CFAP57: variants seen among roughly 807,000 people sequenced by gnomAD.
CFAP57 encodes the protein cilia and flagella associated protein 57.
A neutral mutation model predicts 146.8 loss-of-function variants in CFAP57; 116 were observed. The ratio of observed to expected loss-of-function variants is 0.79; its 90% CI spans 0.68 to 0.92. The LOEUF is 0.92. Among genes scored for constraint, CFAP57 ranks in the 40% least tolerant of loss-of-function variants. The pLI is 0.00. For missense variants in CFAP57, 1,377 were observed against 1,527.2 expected (o/e 0.90, Z 1.64); for synonymous variants, 518 against 552.8 (o/e 0.94, Z 0.88).
Position 43,193,415 on chromosome 1 carries a change from T to C in CFAP57, c.1123-4138T>C, listed in dbSNP as rs796585490. Among the ~76,000 whole-genome samples the C allele has an allele frequency of 4.6e-5, 7 of 152,118 alleles. 1 individual carries two copies. The highest frequency in any genetic ancestry group is 1.7e-4 in the African/African-American group (7 of 41,472). On this transcript the variant is annotated intron_variant, in intron 6 of 22. Coordinates refer to ENST00000372492, the MANE Select transcript of CFAP57 (RefSeq NM_001378189.1). ...ATTTTTGTGTGTGTGTATCATGGGG[T>C]TTTTGTTCTTCTGTTCCTCTCTATG...
rs1274116189 is a variant in CFAP57, at chr1:43,201,738, C to T, written c.1542+2235C>T. On this transcript the variant is annotated intron_variant, in intron 9 of 22. Transcript: ENST00000372492. This position sits in a 1 kb window ranked among gnomAD's most constrained non-coding sequence, Gnocchi z 4.4. ...TCAAGCGATTCTCCTGCCTCAGCCT[C>T]CTGAGTAGCTGGGATTACAGGCATG... Among the ~76,000 whole-genome samples, 1 of 152,228 alleles carries T rather than the reference C, an allele frequency of 6.6e-6. No individual in the cohort carries two copies. Among genetic ancestry groups the T allele is most frequent in the Non-Finnish European group, 1.5e-5 (1 of 68,036 alleles).
At position 43,186,402 on chromosome 1, in the gene CFAP57, G is replaced by A. The variant is rs139085135; in HGVS notation, c.970-305G>A. On this transcript the variant is annotated intron_variant, in intron 5 of 22. Coordinates refer to ENST00000372492, the MANE Select transcript of CFAP57 (RefSeq NM_001378189.1). The stretch of plus-strand genomic sequence containing the variant: ...CGAGGCGGGCGGATCATGAGGTCAG[G>A]AGATCGAGACCATCCTGGCTAACGC... 5.4e-3 allele frequency among the ~76,000 whole-genome samples: 815 copies of A among 152,180 alleles called. 4 individuals are homozygous for A. The highest frequency in any genetic ancestry group is 0.019 in the African/African-American group (791 of 41,532).
rs916705224 is a variant in CFAP57 at position 43,181,820 on chromosome 1, A to T, written c.444A>T (p.Arg148Ser). Residue 148 changes from arginine (R) to serine (S), a missense_variant, in exon 3 of 23, where the codon AGA becomes AGT. Coordinates refer to ENST00000372492, the MANE Select transcript of CFAP57 (RefSeq NM_001378189.1). ...AACAGAAAGTAATGGCCATTGTTAG[A>T]ATCGACACTCAGAACAACCCTGTCT... ...WEKQKVMAIV[R>S]IDTQNNPVYQ... 1 of 1,614,110 alleles carries T rather than the reference A, an allele frequency of 6.2e-7. No individual in the cohort carries two copies. The highest frequency in any genetic ancestry group is 1.3e-5 in the African/African-American group (1 of 74,932).
rs538974374 is a variant in CFAP57 at position 43,220,789 on chromosome 1, C to G, written c.2248-583C>G. On this transcript the variant is annotated intron_variant, in intron 13 of 22. Coordinates refer to ENST00000372492, the MANE Select transcript of CFAP57 (RefSeq NM_001378189.1). The stretch of plus-strand genomic sequence containing the variant: ...ATTTGTTTCTTTAATGTCTATGGGT[C>G]ATAAAGTTCGGCTAAAAAAAAAAAA... Among the ~76,000 whole-genome samples, 11 of 108,782 alleles carry G rather than the reference C, an allele frequency of 1.0e-4. No individual in the cohort carries two copies. The South Asian group carries it at 4.1e-3, about 41-fold the overall frequency. The allele number at this position is 108,782 out of a possible 152,430, so 71.4% of individuals were successfully genotyped here.
chr1:43,172,570 GGGAA>G (rs1645008231), intron 1 of CFAP57, 117 bp downstream of exon 1: 2 of 725,504 alleles, frequency 2.8e-6, no homozygotes, highest in East Asian at 7.8e-5. Flanking sequence ...CCCGGGGGAG[GGGAA>G]AGGGGAGGGA....
At chr1:43,216,114 G>A (rs933444072) in intron 12 of CFAP57, among the ~76,000 whole-genome samples, 3 of 152,168 alleles carry the variant, frequency 2.0e-5, no homozygotes, top group East Asian at 1.9e-4. Flanking sequence ...ATGGAGGATC[G>A]CAAAGCTACA....
chr1:43,217,558 A>G (rs965156426), intron 12 of CFAP57, among the ~76,000 whole-genome samples: 3 of 152,076 alleles, frequency 2.0e-5, no homozygotes, highest in Non-Finnish European at 2.9e-5. Context: ...TCTACCTAGG[A>G]GACAGCCTTC....
chr1:43,198,230 A>G (rs1174731347), intron 7 of CFAP57, among the ~76,000 whole-genome samples: 1 of 152,162 alleles, frequency 6.6e-6, no homozygotes, highest in Non-Finnish European at 1.5e-5. Flanking sequence ...GACAATACTC[A>G]TGAATTTTGG....
At chr1:43,197,877 T>C (rs941340820) in intron 7 of CFAP57, among the ~76,000 whole-genome samples, 185 bp downstream of exon 7, 6 of 152,242 alleles carry the variant, frequency 3.9e-5, no homozygotes, top group African/African-American at 1.2e-4. Flanking sequence ...AAAACTACTT[T>C]GTGGTTTATT....
chr1:43,184,474 A>G (rs1452552280), intron 4 of CFAP57, among the ~76,000 whole-genome samples: 1 of 152,206 alleles, frequency 6.6e-6, no homozygotes, highest in Non-Finnish European at 1.5e-5. Context: ...TAAACATTTT[A>G]TAAATATTCC....
chr1:43,179,149 G>T (rs578055999), intron 2 of CFAP57, among the ~76,000 whole-genome samples: 1 of 151,410 alleles, frequency 6.6e-6, no homozygotes, highest in Non-Finnish European at 1.5e-5. Flanking sequence ...GTGCGGGGAG[G>T]GGGAGGGATA....
In CFAP57 at chr1:43,183,669, G is replaced by C. The variant is rs776898335; in HGVS notation, c.553G>C (p.Gly185Arg). Residue 185 changes from glycine to arginine, a missense_variant, in exon 4 of 23, where the codon GGA becomes CGA. Transcript: ENST00000372492. The stretch of plus-strand genomic sequence containing the variant: ...GTTTAAGCTTCTCCGTTTTGCTGAG[G>C]GAACCCTGAAGCAAACCAGCTTTCA... ...GMFKLLRFAE[G>R]TLKQTSFQRG... 3 of 1,614,168 alleles carry C rather than the reference G, an allele frequency of 1.9e-6. No individual in the cohort carries two copies. Among genetic ancestry groups the C allele is most frequent in the Non-Finnish European group, 2.5e-6 (3 of 1,180,038 alleles).
chr1:43,249,040 C>A (rs1209992044), intron 22 of CFAP57, among the ~76,000 whole-genome samples: 3 of 145,946 alleles, frequency 2.1e-5, no homozygotes, highest in South Asian at 4.4e-4. Context: ...CACCACCACT[C>A]CCAGCTAATT....
chr1:43,175,188 T>A (rs918012797), intron 2 of CFAP57, among the ~76,000 whole-genome samples: 3 of 152,186 alleles, frequency 2.0e-5, no homozygotes, highest in African/African-American at 7.2e-5. Context: ...TCTTTTTTTC[T>A]GGATGTTTAA....
At chr1:43,227,193 T>G in intron 18 of CFAP57, 67 bp downstream of exon 18, 42 of 1,405,928 alleles carry the variant, frequency 3.0e-5, no homozygotes, top group Middle Eastern at 1.9e-4. Context: ...ATTGGCTAGC[T>G]GGCCTCAGGG....
At chr1:43,243,128 C>A in intron 21 of CFAP57, 99 bp from the exon 22 acceptor site, 1 of 1,383,316 alleles carries the variant, frequency 7.2e-7, no homozygotes, top group Non-Finnish European at 9.6e-7. Flanking sequence ...CCAGACCTAA[C>A]CCTGCCCATT....
intron 22 of CFAP57, among the ~76,000 whole-genome samples, chr1:43,246,216 A>G (rs910361790): frequency 6.6e-6 from 1 of 152,250 alleles, no homozygotes; most frequent in African/African-American, 2.4e-5. Flanking sequence ...CTGAATAGCC[A>G]AAACAATCTT....
intron 21 of CFAP57, 121 bp downstream of exon 21, chr1:43,234,759 G>A: frequency 7.9e-7 from 1 of 1,258,694 alleles, no homozygotes; most frequent in African/African-American, 1.5e-5. Context: ...GGGCCCAGTA[G>A]CTCCCCCTAA....
chr1:43,216,702 C>G (rs991770947), intron 12 of CFAP57, among the ~76,000 whole-genome samples: 6 of 152,182 alleles, frequency 3.9e-5, no homozygotes, highest in South Asian at 2.1e-4. Context: ...TCCTCCTCCC[C>G]GCTTCTGTCC....
Sources: allele counts gnomAD v4.1 joint callset (sites outside exome capture counted in the v4.1 genomes callset), GRCh38; gene constraint gnomAD v4.1.1; non-coding constraint Gnocchi (gnomAD v3.1); transcripts MANE v1.5; gene names NCBI Gene and HGNC (gene_info 2026-07-23, HGNC 2026-07-21).